Variants in SAG observed in about 807,000 individuals in gnomAD.
SAG encodes the protein S-arrestin.
SAG carries 45 observed loss-of-function variants against 55.0 expected under a neutral mutation model. That is an observed-to-expected ratio of 0.82 (90% CI 0.64 to 1.05). SAG has a LOEUF of 1.05. Ranked by LOEUF, SAG falls within the 50% of genes least tolerant of loss-of-function variation. SAG has a pLI of 0.00. For missense variants in SAG, 455 were observed against 512.1 expected (o/e 0.89, Z 1.08); for synonymous variants, 189 against 197.4 (o/e 0.96, Z 0.36).
chr2:233,318,639 T>C (rs1700283414), intron 3 of SAG, 112 bp from the exon 4 acceptor site: 4 of 933,064 alleles, frequency 4.3e-6, no homozygotes, highest in Admixed American at 4.1e-5. Flanking sequence ...CTTTCTTTCT[T>C]ATAATGAACA....
intron 10 of SAG, 22 bp downstream of exon 10, chr2:233,331,734 C>A (rs778525766): frequency 6.3e-7 from 1 of 1,580,006 alleles, no homozygotes; most frequent in South Asian, 1.1e-5. Flanking sequence ...TTGGGGTTTC[C>A]GTTTCCTGGG....
chr2:233,318,677 C>A, intron 3 of SAG, 74 bp from the exon 4 acceptor site: 2 of 1,238,900 alleles, frequency 1.6e-6, no homozygotes, highest in Non-Finnish European at 1.2e-6. Flanking sequence ...TAAAAACATG[C>A]GCAGTTTTTA....
intron 1 of SAG, 193 bp from the exon 2 acceptor site, chr2:233,308,969 C>G (rs1477287761): frequency 8.6e-6 from 4 of 467,354 alleles, no homozygotes; most frequent in African/African-American, 7.8e-5. Flanking sequence ...GAAAACACCC[C>G]AAAGCATGCT....
At chr2:233,343,749 C>T in intron 14 of SAG, 24 of 1,129,188 alleles carry the variant, frequency 2.1e-5, no homozygotes, top group Non-Finnish European at 2.6e-5. Context: ...TGAGAACTCT[C>T]CGTAGGTATA....
chr2:233,325,961 AT>A (rs1700540847), intron 6 of SAG, among the ~76,000 whole-genome samples: 1 of 152,196 alleles, frequency 6.6e-6, no homozygotes, highest in African/African-American at 2.4e-5. Flanking sequence ...GACTGCTATG[AT>A]TCCCTGGTTG....
chr2:233,318,506 T>C (rs1477359080), intron 3 of SAG, among the ~76,000 whole-genome samples: 1 of 152,110 alleles, frequency 6.6e-6, no homozygotes, highest in Non-Finnish European at 1.5e-5. Context: ...GTACTGGGAT[T>C]ACAGGCATGG....
chr2:233,309,344 T>C, intron 2 of SAG, 80 bp downstream of exon 2: 1 of 1,284,842 alleles, frequency 7.8e-7, no homozygotes, highest in South Asian at 1.3e-5. Flanking sequence ...AGTGTAGTCA[T>C]GATCAACATC....
chr2:233,311,205 C>T (rs1479751454), intron 2 of SAG, among the ~76,000 whole-genome samples: 1 of 152,154 alleles, frequency 6.6e-6, no homozygotes, highest in East Asian at 1.9e-4. Flanking sequence ...GCATGGTGTG[C>T]CAGGGCTCTG....
At chr2:233,309,378 C>T (rs747425471) in intron 2 of SAG, 114 bp downstream of exon 2, 14 of 942,452 alleles carry the variant, frequency 1.5e-5, no homozygotes, top group East Asian at 2.8e-5. Flanking sequence ...GGCCAGGGCG[C>T]GGTGGCTCAT....
chr2:233,324,997 G>A lies in SAG; in HGVS notation c.435+1992G>A, dbSNP rs1026392939. Among the ~76,000 whole-genome samples, 63 of 152,140 alleles carry A rather than the reference G, an allele frequency of 4.1e-4. 1 individual carries two copies. Among genetic ancestry groups the A allele is most frequent in the East Asian group, 1.9e-4 (1 of 5,178 alleles). On this transcript the variant is annotated intron_variant, in intron 6 of 15. Coordinates refer to ENST00000409110, the MANE Select transcript of SAG (RefSeq NM_000541.5). The stretch of plus-strand genomic sequence containing the variant: ...TCCCAGCACTTTGGGAGGCCGAGGC[G>A]GGCAGATCACCTGTGGTCACGAGTT...
chr2:233,327,475 G>T, intron 7 of SAG: 1 of 317,074 alleles, frequency 3.2e-6, no homozygotes, highest in African/African-American at 2.1e-5. Flanking sequence ...TTGTTTGTTT[G>T]TTTGTTTGTT....
intron 9 of SAG, among the ~76,000 whole-genome samples, chr2:233,331,102 T>C (rs865895956): frequency 3.3e-5 from 5 of 152,188 alleles, no homozygotes; most frequent in South Asian, 4.1e-4. Context: ...GTCATCTTTT[T>C]AATCATCACA....
chr2:233,341,265 T>A (rs138350460), intron 13 of SAG, among the ~76,000 whole-genome samples: 5,131 of 152,282 alleles, frequency 0.034, 277 homozygotes, highest in African/African-American at 0.12. Flanking sequence ...TGCCTCAGCA[T>A]CCTGAGTAGC....
Position 233,309,466 on chromosome 2 carries a change from G to A in SAG, c.75+202G>A, listed in dbSNP as rs142534368. 3.4e-4 allele frequency among the ~76,000 whole-genome samples: 52 copies of A among 152,200 alleles called. No homozygotes were observed. In the East Asian group the frequency reaches 9.9e-3, roughly 29 times the overall value. ...AGTTCGAGACCAGCCTGGCCAACAT[G>A]GCAAAACCCATCTCTACTAAAAATA... is the stretch of plus-strand genomic sequence containing the variant. On this transcript the variant is annotated intron_variant, in intron 2 of 15. Coordinates refer to ENST00000409110, the MANE Select transcript of SAG (RefSeq NM_000541.5).
intron 2 of SAG, among the ~76,000 whole-genome samples, chr2:233,310,220 A>T (rs1700042151): frequency 6.6e-6 from 1 of 152,260 alleles, no homozygotes; most frequent in South Asian, 2.1e-4. Context: ...TAGCTCAGCA[A>T]CATCTAGTGC....
intron 10 of SAG, 146 bp downstream of exon 10, chr2:233,331,858 C>A (rs1700777164): frequency 1.5e-6 from 1 of 682,396 alleles, no homozygotes; most frequent in Non-Finnish European, 2.7e-6. Context: ...TCGAGGGCTG[C>A]ACAGAAAGTT....
intron 2 of SAG, among the ~76,000 whole-genome samples, chr2:233,313,955 C>T (rs1292353747): frequency 6.6e-6 from 1 of 151,582 alleles, no homozygotes; most frequent in Non-Finnish European, 1.5e-5. Context: ...AGTGGTGGCT[C>T]ATGCCTGTAA....
At chr2:233,342,163 G>C in intron 13 of SAG, 108 bp from the exon 14 acceptor site, 2 of 800,072 alleles carry the variant, frequency 2.5e-6, no homozygotes, top group Non-Finnish European at 4.1e-6. Context: ...TTGTCTTTCA[G>C]CTTGGGCCTG....
chr2:233,316,472 C>A (rs1430633056), intron 3 of SAG, among the ~76,000 whole-genome samples: 1 of 151,898 alleles, frequency 6.6e-6, no homozygotes, highest in Admixed American at 6.6e-5. Context: ...TCACCACGCC[C>A]AGCTAATTTT....
Sources: gnomAD v4.1 joint callset for allele counts (sites outside exome capture counted in the v4.1 genomes callset) on GRCh38, gnomAD v4.1.1 for gene constraint, MANE v1.5 for transcripts, NCBI Gene and HGNC (gene_info 2026-07-23, HGNC 2026-07-21) for gene names.